Variants in MGA observed in about 807,000 individuals in gnomAD.
MGA encodes the protein MAX gene-associated protein.
Under a neutral mutation model 261.1 loss-of-function variants are expected in MGA, and 40 were observed. The ratio of observed to expected loss-of-function variants is 0.15; its 90% confidence interval spans 0.12 to 0.20. MGA has a LOEUF of 0.20. Among genes scored for constraint, MGA ranks in the 10% least tolerant of loss-of-function variants. MGA has a pLI of 1.00. For synonymous variants in MGA, 1,302 were observed against 1,290.6 expected (o/e 1.01, Z -0.19); for missense variants, 3,397 against 3,630.5 (o/e 0.94, Z 1.65).
At chr15:41,673,404 G>A (rs1020287774) in intron 2 of MGA, among the ~76,000 whole-genome samples, 1 of 151,664 alleles carries the variant, frequency 6.6e-6, no homozygotes, top group African/African-American at 2.4e-5. Flanking sequence ...TTTTAGTAGA[G>A]ATGGCGTTTC....
At chr15:41,751,925 T>G (rs1311971008) in intron 17 of MGA, 1 of 152,238 alleles carries the variant, frequency 6.6e-6, no homozygotes, top group Non-Finnish European at 1.5e-5. Flanking sequence ...TCTCACTTCC[T>G]TGAGATTCAT....
At chr15:41,668,803 TGG>T in intron 1 of MGA, 23 bp from the exon 2 acceptor site, 1 of 966,420 alleles carries the variant, frequency 1.0e-6, no homozygotes, top group Non-Finnish European at 1.5e-6. Context: ...TTTTTGTTTT[TGG>T]TTTTTTTTTG....
At chr15:41,765,920 T>TAA (rs1206285359) in intron 23 of MGA, 84 bp from the exon 24 acceptor site, 6 of 1,120,382 alleles carry the variant, frequency 5.4e-6, no homozygotes, top group Non-Finnish European at 7.7e-6. Flanking sequence ...ATCCCTAAGA[T>TAA]GGTTATATGA....
intron 22 of MGA, among the ~76,000 whole-genome samples, chr15:41,762,906 A>G (rs2063563136): frequency 6.6e-6 from 1 of 152,128 alleles, no homozygotes; most frequent in Non-Finnish European, 1.5e-5. Flanking sequence ...GTAGCATATT[A>G]GTCTATAGTC....
chr15:41,631,764 G>A (rs954775624), intron 1 of MGA, among the ~76,000 whole-genome samples: 6 of 152,076 alleles, frequency 3.9e-5, no homozygotes, highest in African/African-American at 1.4e-4. Context: ...AGAAAAAAAA[G>A]TATGTATTTT....
intron 3 of MGA, 117 bp from the exon 4 acceptor site, chr15:41,698,746 T>C (rs2059677646): frequency 1.4e-6 from 1 of 709,954 alleles, no homozygotes; most frequent in East Asian, 2.8e-5. Context: ...AATGTTAGCG[T>C]AACTGTAGGC....
intron 2 of MGA, among the ~76,000 whole-genome samples, chr15:41,687,716 G>T (rs1331642984): frequency 1.3e-5 from 2 of 152,276 alleles, no homozygotes; most frequent in African/African-American, 4.8e-5. Flanking sequence ...ATTATCAAGG[G>T]TTTGCTTTAT....
chr15:41,671,877 T>G (rs2058081048), intron 2 of MGA, among the ~76,000 whole-genome samples: 1 of 152,228 alleles, frequency 6.6e-6, no homozygotes, highest in African/African-American at 2.4e-5. Flanking sequence ...AGTTTTTTTG[T>G]CAAAGGGGAA....
intron 13 of MGA, among the ~76,000 whole-genome samples, chr15:41,739,234 G>C (rs569219284): frequency 6.6e-6 from 1 of 152,110 alleles, no homozygotes; most frequent in Non-Finnish European, 1.5e-5. Context: ...TACTTCATTT[G>C]TTGGTTCACT....
At chr15:41,703,896 G>A (rs1452569683) in intron 5 of MGA, among the ~76,000 whole-genome samples, 3 of 152,068 alleles carry the variant, frequency 2.0e-5, no homozygotes, top group South Asian at 2.1e-4. Context: ...CTGCAGTCTC[G>A]ACCTCCTGAG....
In MGA at chr15:41,760,225, A is replaced by G. The variant is rs1329486510; in HGVS notation, c.7192-98A>G. On this transcript the variant is annotated intron_variant, in intron 19 of 23. Coordinates refer to ENST00000219905, the MANE Select transcript of MGA (RefSeq NM_001164273.2). Reference sequence around the variant, plus strand: ...AGGCTGTTACAACAGTCCAGACAAAAGGTAATGAGTGCCTGAAATAGGGCA... The same window carrying G: ...AGGCTGTTACAACAGTCCAGACAAAGGGTAATGAGTGCCTGAAATAGGGCA... 16 of 1,128,890 alleles carry G rather than the reference A, an allele frequency of 1.4e-5. No individual in the cohort carries two copies. The African/African-American group carries it at 1.5e-4, about 11-fold the overall frequency. 69.9% of individuals were successfully genotyped at this position (1,128,890 alleles called of 1,614,324 possible).
intron 2 of MGA, chr15:41,684,358 A>G (rs1464583397): frequency 2.2e-6 from 1 of 449,910 alleles, no homozygotes. Context: ...AATCCTTTTA[A>G]TTAACTGTTG....
intron 9 of MGA, 24 bp from the exon 10 acceptor site, chr15:41,727,156 A>G (rs760074712): frequency 1.3e-6 from 2 of 1,588,780 alleles, no homozygotes; most frequent in Non-Finnish European, 1.7e-6. Flanking sequence ...AGTACCTAAA[A>G]CCTTACCCTT....
chr15:41,670,286 T>G (rs2057972253), intron 2 of MGA, among the ~76,000 whole-genome samples: 1 of 151,830 alleles, frequency 6.6e-6, no homozygotes, highest in Admixed American at 6.6e-5. Context: ...AGACTCCATC[T>G]CAATAAAAAA....
chr15:41,702,591 A>G (rs1040832155), intron 5 of MGA, among the ~76,000 whole-genome samples: 2 of 152,224 alleles, frequency 1.3e-5, no homozygotes, highest in African/African-American at 4.8e-5. Context: ...AAACTAGAAA[A>G]GCTTTTTGAA....
At position 41,757,780 on chromosome 15, in the gene MGA, T is replaced by C. The variant is rs2577956; in HGVS notation, c.7140-8T>C. 21,963 of 1,604,946 alleles carry C rather than the reference T, an allele frequency of 0.014. 185 individuals are homozygous for C. Among genetic ancestry groups the C allele is most frequent in the Non-Finnish European group, 0.016 (19,344 of 1,173,210 alleles). ...AGTAAGACACTGAAAAATCCTGTCT[T>C]TATCCAGGTCCTGTACTCACATCTC... is the stretch of plus-strand genomic sequence containing the variant. On this transcript the variant is annotated splice_region_variant and splice_polypyrimidine_tract_variant and intron_variant, in intron 18 of 23. Transcript: ENST00000219905.
At chr15:41,695,396 C>T (rs1358774597) in intron 2 of MGA, among the ~76,000 whole-genome samples, 2 of 152,116 alleles carry the variant, frequency 1.3e-5, no homozygotes, top group South Asian at 4.2e-4. Flanking sequence ...ACCATGTTGG[C>T]CAGAATGGTC....
chr15:41,746,246 G>C (rs934132376), intron 15 of MGA, among the ~76,000 whole-genome samples: 1 of 152,060 alleles, frequency 6.6e-6, no homozygotes, highest in Non-Finnish European at 1.5e-5. Flanking sequence ...CTTAATTCAC[G>C]TAAGATTAAT....
rs1426549446 is a variant in MGA, at chr15:41,761,777, C to G, written c.7437C>G (p.Asp2479Glu). ...TTCAGGGACTAACAGATCAGGCAGA[C>G]AAATTGATAGGACAGAAAAATCTCC... is the stretch of plus-strand genomic sequence containing the variant. Residue 2479 changes from aspartate (D) to glutamate (E), a missense_variant, in exon 21 of 24, where the codon GAC becomes GAG. Physicochemically the swap from Asp to Glu is conservative, Grantham distance 45. This residue lies in a region of MGA where 50 missense variants were observed against 121.5 expected (regional missense o/e 0.41). Coordinates refer to ENST00000219905, the MANE Select transcript of MGA (RefSeq NM_001164273.2). 8 of 1,599,824 alleles carry G rather than the reference C, an allele frequency of 5.0e-6. No homozygotes were observed. The highest frequency in any genetic ancestry group is 5.1e-6 in the Non-Finnish European group (6 of 1,172,558).
Sources: gnomAD v4.1 joint callset for allele counts (sites outside exome capture counted in the v4.1 genomes callset) on GRCh38, gnomAD v4.1.1 for gene constraint, gnomAD v4.1.1 regional missense constraint, MANE v1.5 for transcripts, NCBI Gene and HGNC (gene_info 2026-07-23, HGNC 2026-07-21) for gene names.